Variants in KCNC2 observed in about 807,000 individuals in gnomAD.
KCNC2 encodes the protein potassium voltage-gated channel subfamily C member 2.
A neutral mutation model predicts 44.5 loss-of-function variants in KCNC2; 21 were observed. The observed-to-expected ratio is 0.47, with a 90% CI of 0.33 to 0.68. KCNC2 has a LOEUF of 0.68. Among genes scored for constraint, KCNC2 ranks in the 30% least tolerant of loss-of-function variants. The pLI is 0.01. For missense variants in KCNC2, 589 were observed against 826.2 expected (o/e 0.71, Z 3.52); for synonymous variants, 391 against 339.1 (o/e 1.15, Z -1.68).
At chr12:75,136,500 A>C (rs996339329) in intron 2 of KCNC2, among the ~76,000 whole-genome samples, 2 of 152,126 alleles carry the variant, frequency 1.3e-5, no homozygotes, top group African/African-American at 4.8e-5. Flanking sequence ...ATTACAACTG[A>C]TACCACAGAA....
chr12:75,122,170 CT>C (rs757619851), intron 2 of KCNC2, among the ~76,000 whole-genome samples: 2 of 152,064 alleles, frequency 1.3e-5, no homozygotes, highest in African/African-American at 2.4e-5. Flanking sequence ...CATCTCTGCC[CT>C]CTTATAGATC....
intron 2 of KCNC2, among the ~76,000 whole-genome samples, chr12:75,060,525 G>C (rs1480530820): frequency 6.6e-6 from 1 of 152,004 alleles, no homozygotes; most frequent in African/African-American, 2.4e-5. Flanking sequence ...GAGTGCAGTG[G>C]TGAAATCACG....
chr12:75,119,701 T>C (rs955859905), intron 2 of KCNC2, among the ~76,000 whole-genome samples: 2 of 152,180 alleles, frequency 1.3e-5, no homozygotes, highest in African/African-American at 4.8e-5. Flanking sequence ...GTGCACCAAC[T>C]CTGCTCCTTC....
At chr12:75,056,555 C>T (rs889754444) in intron 2 of KCNC2, among the ~76,000 whole-genome samples, 4 of 151,676 alleles carry the variant, frequency 2.6e-5, no homozygotes, top group African/African-American at 9.7e-5. Context: ...GCTTTTCTTT[C>T]TTAAATAATA....
intron 2 of KCNC2, among the ~76,000 whole-genome samples, chr12:75,087,492 A>G (rs570751004): frequency 3.3e-4 from 50 of 152,224 alleles, no homozygotes; most frequent in Non-Finnish European, 6.9e-4. Flanking sequence ...AACCTCTAAT[A>G]ATCTTGTAAA....
intron 2 of KCNC2, among the ~76,000 whole-genome samples, chr12:75,073,131 C>A (rs1414966386): frequency 6.6e-6 from 1 of 152,150 alleles, no homozygotes; most frequent in East Asian, 1.9e-4. Flanking sequence ...CATAAAAGAG[C>A]TACTGCCATT....
At chr12:75,063,282 A>G (rs1882519533) in intron 2 of KCNC2, among the ~76,000 whole-genome samples, 1 of 152,086 alleles carries the variant, frequency 6.6e-6, no homozygotes, top group African/African-American at 2.4e-5. Flanking sequence ...CTTTAAACAG[A>G]GTTAAAATGT....
rs2031820660 is a variant in KCNC2 at position 75,207,776 on chromosome 12, G to A, written c.208C>T (p.Leu70=). Residue 70 remains leucine (L), a synonymous_variant, in exon 2 of 5, where the codon CTG becomes TTG. Transcript: ENST00000549446. The surrounding 1 kb of genome is among the most constrained non-coding windows in gnomAD (Gnocchi z 4.1). ...AAGCAGCCGCCTGGCCCGGGGGACA[G>A]CGGGGGCGCTCTCGGCGGCGGCGAC... The part of the protein sequence containing the change: ...PLSPPPRAPP[L]SPGPGGCFEG... 6.3e-7 allele frequency: 1 copy of A among 1,583,170 alleles called. No individual in the cohort carries two copies. Among genetic ancestry groups the A allele is most frequent in the African/African-American group, 1.4e-5 (1 of 73,654 alleles).
intron 2 of KCNC2, among the ~76,000 whole-genome samples, chr12:75,188,340 GCTT>G (rs2029880190): frequency 6.6e-6 from 1 of 152,178 alleles, no homozygotes; most frequent in African/African-American, 2.4e-5. Flanking sequence ...AACCACCAAA[GCTT>G]CTTTCCGAAT....
At position 75,040,824 on chromosome 12, in the gene KCNC2, G is replaced by A; in HGVS notation, c.*2281C>T. ...TAAGTAATTCACAGCACAACCTAAT[G>A]TGGGCCCATGAAGAGTAATTCAAAG... On this transcript the variant is annotated 3_prime_UTR_variant, in exon 5 of 5. Coordinates refer to ENST00000549446, the MANE Select transcript of KCNC2 (RefSeq NM_139137.4). The A allele has an allele frequency of 9.9e-6, 4 of 402,014 alleles. No homozygotes were observed. The South Asian group carries it at 1.6e-4, about 16-fold the overall frequency. The allele number at this position is 402,014 out of a possible 1,614,324, so 24.9% of individuals were successfully genotyped here. A position where few individuals can be genotyped will look rare whatever the true frequency, so the allele number is the denominator to read the frequency against.
intron 2 of KCNC2, among the ~76,000 whole-genome samples, chr12:75,068,428 G>C (rs1947619): frequency 0.7 from 106,311 of 152,140 alleles, 37,865 homozygotes; most frequent in Non-Finnish European, 0.76. Context: ...AGGATGGAGA[G>C]AGGAAACAGA....
At chr12:75,043,863 A>C in intron 4 of KCNC2, 4 of 1,085,364 alleles carry the variant, frequency 3.7e-6, no homozygotes, top group Non-Finnish European at 5.2e-6. Context: ...TGAAATATAA[A>C]TTAAGTCATA....
intron 2 of KCNC2, among the ~76,000 whole-genome samples, chr12:75,165,643 T>G (rs2137548013): frequency 6.6e-6 from 1 of 151,642 alleles, no homozygotes; most frequent in East Asian, 1.9e-4. Context: ...AAGATAATGT[T>G]AAGTGTTAGG....
At chr12:75,160,277 C>T (rs1464053441) in intron 2 of KCNC2, among the ~76,000 whole-genome samples, 4 of 151,738 alleles carry the variant, frequency 2.6e-5, no homozygotes, top group Non-Finnish European at 4.4e-5. Flanking sequence ...ATATAGGCCT[C>T]AAAAGAAACC....
In KCNC2 at chr12:75,192,924, C is replaced by T. The variant is rs141153418; in HGVS notation, c.687+14373G>A. On this transcript the variant is annotated intron_variant, in intron 2 of 4. Coordinates refer to ENST00000549446, the MANE Select transcript of KCNC2 (RefSeq NM_139137.4). ...GAGTATATTTTAAGCATTTTCACCA[C>T]AAAAAAAGTATGTGAGGTGAGAAAT... Among the ~76,000 whole-genome samples the T allele has an allele frequency of 3.7e-3, 566 of 152,022 alleles. 1 individual carries two copies. Among genetic ancestry groups the T allele is most frequent in the African/African-American group, 0.013 (532 of 41,484 alleles).
At chr12:75,081,124 T>C (rs900150170) in intron 2 of KCNC2, among the ~76,000 whole-genome samples, 1 of 152,130 alleles carries the variant, frequency 6.6e-6, no homozygotes, top group African/African-American at 2.4e-5. Context: ...ATCCTCAGTA[T>C]TCATCTAACA....
intron 2 of KCNC2, among the ~76,000 whole-genome samples, chr12:75,168,580 C>T (rs561276847): frequency 7.3e-4 from 110 of 151,550 alleles, no homozygotes; most frequent in African/African-American, 2.5e-3. Flanking sequence ...AAACAAAGTC[C>T]GTTAGTTTTG....
chr12:75,197,141 T>C (rs533250563), intron 2 of KCNC2, among the ~76,000 whole-genome samples: 59 of 152,122 alleles, frequency 3.9e-4, no homozygotes, highest in African/African-American at 1.3e-3. Flanking sequence ...CACATTCAAA[T>C]TTGTGAACTG....
intron 2 of KCNC2, among the ~76,000 whole-genome samples, chr12:75,101,407 A>G (rs1886363161): frequency 6.6e-6 from 1 of 152,066 alleles, no homozygotes; most frequent in Non-Finnish European, 1.5e-5. Context: ...GATGTGATTT[A>G]CTAAGAAGCC....
Sources: allele counts gnomAD v4.1 joint callset (sites outside exome capture counted in the v4.1 genomes callset), GRCh38; gene constraint gnomAD v4.1.1; non-coding constraint Gnocchi (gnomAD v3.1); transcripts MANE v1.5; gene names NCBI Gene and HGNC (gene_info 2026-07-23, HGNC 2026-07-21).